MIP: variants seen among roughly 807,000 people sequenced by gnomAD.
MIP encodes the protein lens fiber major intrinsic protein.
MIP carries 14 observed loss-of-function variants against 21.8 expected under a neutral mutation model. The ratio of observed to expected loss-of-function variants is 0.64; its 90% CI spans 0.42 to 1.00. The LOEUF (loss-of-function observed/expected upper bound fraction) is 1.00, where lower values mean the gene tolerates loss of function less well. Ranked by LOEUF, MIP falls within the 50% of genes least tolerant of loss-of-function variation. The pLI, the probability that MIP is intolerant of heterozygous loss-of-function variation, is 0.00. For missense variants in MIP, 260 were observed against 333.5 expected, an observed-to-expected ratio of 0.78 and a Z score of 1.72; for synonymous variants, 133 against 141.4, an observed-to-expected ratio of 0.94 and a Z score of 0.42.
At chr12:56,451,794 GAGACGGGCGGATCACA>G (rs1016980282) in intron 3 of MIP, among the ~76,000 whole-genome samples, 5 of 152,146 alleles carry the variant, frequency 3.3e-5, no homozygotes, top group African/African-American at 7.2e-5. Flanking sequence ...TTGGGAGGCT[GAGACGGGCGGATCACA>G]AGACGGGCGG....
chr12:56,451,930 T>C (rs970310897), intron 3 of MIP, among the ~76,000 whole-genome samples: 1 of 152,104 alleles, frequency 6.6e-6, no homozygotes, highest in African/African-American at 2.4e-5. Flanking sequence ...AAATCCCAGC[T>C]ACTCAGGAGG....
rs142998145 is a variant in MIP, at chr12:56,454,361, G to A, written c.253C>T (p.Arg85Cys). 1.2e-5 allele frequency: 20 copies of A among 1,613,952 alleles called. No individual in the cohort carries two copies. The highest frequency in any genetic ancestry group is 2.2e-5 in the East Asian group (1 of 44,886). Residue 85 changes from arginine (R) to cysteine (C), a missense_variant, in exon 1 of 4, where the codon CGT (arginine) becomes TGT (cysteine). Arg to Cys is a radical substitution (Grantham distance 180). Transcript: ENST00000652304. ...TGGGCTGCCATATAGCAGAAGGCAC[G>A]GAGCAGGGACATCTGGGAGCCCACA... ...FLVGSQMSLL[R>C]AFCYMAAQLL... is the part of the protein sequence containing the mutation.
intron 3 of MIP, among the ~76,000 whole-genome samples, chr12:56,451,771 T>C (rs999581440): frequency 3.3e-5 from 5 of 152,218 alleles, no homozygotes; most frequent in East Asian, 1.9e-4. Flanking sequence ...CTTATGCCTG[T>C]AATCCCAGCA....
In MIP at chr12:56,451,190, T is replaced by C. The variant is rs1868598384; in HGVS notation, c.*90A>G. On this transcript the variant is annotated 3_prime_UTR_variant, in exon 4 of 4. Coordinates refer to ENST00000652304, the MANE Select transcript of MIP (RefSeq NM_012064.4). ...TAAAAAATAAAGAAGTACATGACCC[T>C]CCCCACAGTCTCTTTCTTCATCTAG... The C allele has an allele frequency of 9.5e-7, 1 of 1,054,444 alleles. No individual in the cohort carries two copies. Among genetic ancestry groups the C allele is most frequent in the Non-Finnish European group, 1.5e-6 (1 of 689,262 alleles). 65.3% of individuals were successfully genotyped at this position (1,054,444 alleles called of 1,614,324 possible).
chr12:56,454,172 G>A, intron 1 of MIP, 82 bp downstream of exon 1: 5 of 1,585,860 alleles, frequency 3.2e-6, no homozygotes, highest in Non-Finnish European at 4.3e-6. Flanking sequence ...CAGGGGAGCT[G>A]ATTCACCTGC....
chr12:56,452,233 T>A lies in MIP; in HGVS notation c.607-768A>T, dbSNP rs1006781900. ...GGTAACTATCCTTCTACTTTGCGTC[T>A]GTGAATTTGAGTACTCTAAATACCC... is the stretch of plus-strand genomic sequence containing the variant. On this transcript the variant is annotated intron_variant, in intron 3 of 3. Transcript: ENST00000652304. 3.3e-5 allele frequency among the ~76,000 whole-genome samples: 5 copies of A among 152,204 alleles called. 1 individual carries two copies. The South Asian group carries it at 1.0e-3, about 31-fold the overall frequency.
chr12:56,454,517 G>T lies in MIP; in HGVS notation c.97C>A (p.Arg33Ser). 1 of 1,613,280 alleles carries T rather than the reference G, an allele frequency of 6.2e-7. No homozygotes were observed. Among genetic ancestry groups the T allele is most frequent in the Non-Finnish European group, 8.5e-7 (1 of 1,179,508 alleles). Residue 33 changes from arginine (R) to serine (S), a missense_variant, in exon 1 of 4, where the codon CGC (arginine) becomes AGC (serine). Transcript: ENST00000652304. ...ACATGCAGGGGTCCAGGAGCCCAGC[G>T]CAGTGAGGACCCCAGCCCAAAGAAG... ...YVFFGLGSSL[R>S]WAPGPLHVLQ...
upstream of MIP, among the ~76,000 whole-genome samples, chr12:56,456,220 AG>A (rs1357233056): frequency 6.6e-6 from 1 of 152,190 alleles, no homozygotes; most frequent in Non-Finnish European, 1.5e-5. Flanking sequence ...GGAAGCATGC[AG>A]GGTTCACACT....
At chr12:56,453,224 G>T in intron 2 of MIP, 72 bp from the exon 3 acceptor site, 1 of 1,080,512 alleles carries the variant, frequency 9.3e-7, no homozygotes, top group Non-Finnish European at 1.4e-6. Flanking sequence ...AACCCACATT[G>T]CCCCTGAGAG....
At position 56,453,167 on chromosome 12, in the gene MIP, G is replaced by C; in HGVS notation, c.526-15C>G. On this transcript the variant is annotated splice_polypyrimidine_tract_variant and intron_variant, in intron 2 of 3. Transcript: ENST00000652304. ...GTATAATACATCTGCAAAAGAGACA[G>C]TTGTAACTGAGACACCCCCCTACTG... The C allele has an allele frequency of 6.3e-7, 1 of 1,592,614 alleles. No individual in the cohort carries two copies. The highest frequency in any genetic ancestry group is 1.1e-5 in the South Asian group (1 of 90,624).
Position 56,453,767 on chromosome 12 carries a change from A to G in MIP, c.361-12T>C. 1 of 1,611,518 alleles carries G rather than the reference A, an allele frequency of 6.2e-7. No homozygotes were observed. The highest frequency in any genetic ancestry group is 8.5e-7 in the Non-Finnish European group (1 of 1,179,004). The stretch of plus-strand genomic sequence containing the variant: ...ACCGCAGGGTGCAACTGTGCAAAGG[A>G]AGAAGAAGAGAGACAGCTCAGGAGG... On this transcript the variant is annotated splice_polypyrimidine_tract_variant and intron_variant, in intron 1 of 3. Coordinates refer to ENST00000652304, the MANE Select transcript of MIP (RefSeq NM_012064.4).
rs754240468 is a variant in MIP, at chr12:56,454,569, A to G, written c.45T>C (p.Ala15=). The G allele has an allele frequency of 3.1e-6, 5 of 1,614,130 alleles. No homozygotes were observed. Among genetic ancestry groups the G allele is most frequent in the Non-Finnish European group, 4.2e-6 (5 of 1,179,982 alleles). Residue 15 remains alanine, a synonymous_variant, in exon 1 of 4, where the codon GCT becomes GCC. Coordinates refer to ENST00000652304, the MANE Select transcript of MIP (RefSeq NM_012064.4). ...RSASFWRAIF[A]EFFATLFYVF... ...CATAGAAGAGGGTGGCAAAGAACTC[A>G]GCGAATATGGCCCTCCAAAAGGAGG...
chr12:56,455,091 G>T (rs954354688), upstream of MIP, among the ~76,000 whole-genome samples: 1 of 152,120 alleles, frequency 6.6e-6, no homozygotes, highest in Non-Finnish European at 1.5e-5. Flanking sequence ...GGTAAGGGTT[G>T]GGGGGAGTGG....
Position 56,451,090 on chromosome 12 carries a change from C to T in MIP, c.*190G>A. 3 of 594,102 alleles carry T rather than the reference C, an allele frequency of 5.0e-6. No individual in the cohort carries two copies. The South Asian group carries it at 6.2e-5, about 12-fold the overall frequency. The allele number at this position is 594,102 out of a possible 1,614,324, so 36.8% of individuals were successfully genotyped here. A position where few individuals can be genotyped will look rare whatever the true frequency, so the allele number is the denominator to read the frequency against. ...GGGAGGAAGGGAAGTTTGCACCAAC[C>T]AGCTCATGAATGCAACTTGAAAGAT... On this transcript the variant is annotated 3_prime_UTR_variant, in exon 4 of 4. Coordinates refer to ENST00000652304, the MANE Select transcript of MIP (RefSeq NM_012064.4).
At chr12:56,454,007 A>G (rs1868713193) in intron 1 of MIP, among the ~76,000 whole-genome samples, 1 of 152,204 alleles carries the variant, frequency 6.6e-6, no homozygotes, top group South Asian at 2.1e-4. Flanking sequence ...TTCCTTAAGA[A>G]CCTGCAAGGA....
upstream of MIP, among the ~76,000 whole-genome samples, chr12:56,455,111 G>A (rs186201150): frequency 2.0e-5 from 3 of 152,212 alleles, no homozygotes; most frequent in Admixed American, 2.0e-4. Flanking sequence ...GTAAGGAGTG[G>A]GGTTCAGCAG....
At chr12:56,455,467 G>A (rs530135019), upstream of MIP, among the ~76,000 whole-genome samples, 23 of 152,242 alleles carry the variant, frequency 1.5e-4, no homozygotes, top group African/African-American at 5.3e-4. Context: ...CATGGTCATA[G>A]CAAGAAGTAC....
In MIP at chr12:56,451,218, G is replaced by A; in HGVS notation, c.*62C>T. 1 of 1,451,152 alleles carries A rather than the reference G, an allele frequency of 6.9e-7. No individual in the cohort carries two copies. The highest frequency in any genetic ancestry group is 9.7e-7 in the Non-Finnish European group (1 of 1,034,374). 89.9% of individuals were successfully genotyped at this position (1,451,152 alleles called of 1,614,324 possible). A position where few individuals can be genotyped will look rare whatever the true frequency, so the allele number is the denominator to read the frequency against. On this transcript the variant is annotated 3_prime_UTR_variant, in exon 4 of 4. Coordinates refer to ENST00000652304, the MANE Select transcript of MIP (RefSeq NM_012064.4). ...CCACAGTCTCTTTCTTCATCTAGGG[G>A]CTGGCTAAACCCCTCCACGTAAACT...
intron 3 of MIP, chr12:56,452,555 A>G (rs556605006): frequency 1.8e-5 from 3 of 170,044 alleles, no homozygotes; most frequent in African/African-American, 2.4e-5. Flanking sequence ...AACATAACCA[A>G]TATTTATTGA....
Sources: allele counts gnomAD v4.1 joint callset (sites outside exome capture counted in the v4.1 genomes callset), GRCh38; gene constraint gnomAD v4.1.1; transcripts MANE v1.5; gene names NCBI Gene and HGNC (gene_info 2026-07-23, HGNC 2026-07-21).